SMCO4: variants seen among roughly 807,000 people sequenced by gnomAD.
SMCO4 encodes single-pass membrane and coiled-coil domain-containing protein 4.
In SMCO4, 4 loss-of-function variants were observed where a neutral mutation model predicts 3.6. The observed-to-expected ratio is 1.11, with a 90% CI of 0.54 to 2.53. The LOEUF is 2.53. SMCO4 is among the 30% of genes most tolerant of loss of function. The pLI, the probability that SMCO4 is intolerant of heterozygous loss-of-function variation, is 0.02. For synonymous variants in SMCO4, 36 were observed against 35.3 expected (o/e 1.02, Z -0.07); for missense variants, 70 against 80.8 (o/e 0.87, Z 0.51).
At chr11:93,508,305 C>A (rs76039045) in intron 1 of SMCO4, among the ~76,000 whole-genome samples, 2 of 151,904 alleles carry the variant, frequency 1.3e-5, no homozygotes, top group South Asian at 4.1e-4. Context: ...GTGCTGAGTA[C>A]GAAAATGGTA....
chr11:93,498,003 A>G (rs1948794723), intron 2 of SMCO4, among the ~76,000 whole-genome samples: 2 of 152,230 alleles, frequency 1.3e-5, no homozygotes, highest in Admixed American at 1.3e-4. Context: ...TGAAAAGTCA[A>G]GTATACTAGA....
At position 93,523,064 on chromosome 11, in the gene SMCO4, T is replaced by C. The variant is rs148431143; in HGVS notation, c.-154+20212A>G. Reference sequence around the variant, plus strand: ...TCCTCTGGAATTTCCCCTATACTTGTCTAGGCTCAAACATAAAAACTAATG... The same window carrying C: ...TCCTCTGGAATTTCCCCTATACTTGCCTAGGCTCAAACATAAAAACTAATG... On this transcript the variant is annotated intron_variant, in intron 1 of 2. Transcript: ENST00000298966. Among the ~76,000 whole-genome samples the C allele has an allele frequency of 2.2e-3, 333 of 152,250 alleles. 2 individuals carry two copies. The highest frequency in any genetic ancestry group is 4.4e-3 in the South Asian group (21 of 4,824).
Position 93,478,809 on chromosome 11 carries a change from C to T in SMCO4, c.*201G>A. ...ATGAAGTGGACCATAAGGTGTATGG[C>T]ACATTCACTGATAAAACATCCCCTA... On this transcript the variant is annotated 3_prime_UTR_variant, in exon 3 of 3. Transcript: ENST00000298966. 7.1e-7 allele frequency: 1 copy of T among 1,402,150 alleles called. No individual in the cohort carries two copies. Among genetic ancestry groups the T allele is most frequent in the Non-Finnish European group, 9.3e-7 (1 of 1,078,358 alleles). 86.9% of individuals were successfully genotyped at this position (1,402,150 alleles called of 1,614,324 possible).
intron 2 of SMCO4, among the ~76,000 whole-genome samples, chr11:93,492,706 T>G (rs1355631545): frequency 6.6e-6 from 1 of 152,146 alleles, no homozygotes; most frequent in Non-Finnish European, 1.5e-5. Flanking sequence ...AGGAGCAGCC[T>G]GAAGGTTTTA....
intron 2 of SMCO4, among the ~76,000 whole-genome samples, chr11:93,486,077 C>T (rs1948646394): frequency 6.6e-6 from 1 of 152,204 alleles, no homozygotes; most frequent in Non-Finnish European, 1.5e-5. Context: ...CTCTCAACCA[C>T]CCTACAAATA....
intron 1 of SMCO4, among the ~76,000 whole-genome samples, chr11:93,523,676 C>T (rs1949080698): frequency 6.6e-6 from 1 of 152,164 alleles, no homozygotes; most frequent in Admixed American, 6.5e-5. Flanking sequence ...ACCAGAAAAC[C>T]TCAAATTTAG....
intron 1 of SMCO4, among the ~76,000 whole-genome samples, chr11:93,534,375 T>G (rs10831056): frequency 0.67 from 94,510 of 142,000 alleles, 31,729 homozygotes; most frequent in Middle Eastern, 0.73. Flanking sequence ...TATATATATA[T>G]AGAGAGAGAG....
the SMCO4 span, among the ~76,000 whole-genome samples, chr11:93,549,581 T>A: frequency 6.6e-6 from 1 of 151,922 alleles, no homozygotes; most frequent in Non-Finnish European, 1.5e-5. Flanking sequence ...CCCCAGTAGC[T>A]TGGACCACAG....
At chr11:93,553,626 G>T in the SMCO4 span, among the ~76,000 whole-genome samples, 1 of 152,188 alleles carries the variant, frequency 6.6e-6, no homozygotes, top group Non-Finnish European at 1.5e-5. Flanking sequence ...ACCCAAGCTA[G>T]ATCTTGTTAT....
chr11:93,539,959 A>T lies in SMCO4; in HGVS notation c.-154+3317T>A, dbSNP rs2456573. On this transcript the variant is annotated intron_variant, in intron 1 of 2. Coordinates refer to ENST00000298966, the MANE Select transcript of SMCO4 (RefSeq NM_020179.3). ...TTTCCCTGTCCAACAAAATTAATTT[A>T]AAAAAAAAAAAAAGGAGGAAGGCCA... is the stretch of plus-strand genomic sequence containing the variant. Among the ~76,000 whole-genome samples, 9 of 129,062 alleles carry T rather than the reference A, an allele frequency of 7.0e-5. No individual in the cohort carries two copies. The East Asian group carries it at 8.1e-4, about 12-fold the overall frequency. The allele number at this position is 129,062 out of a possible 152,430, so 84.7% of individuals were successfully genotyped here.
At chr11:93,501,533 C>T (rs1948838134) in intron 1 of SMCO4, among the ~76,000 whole-genome samples, 1 of 152,096 alleles carries the variant, frequency 6.6e-6, no homozygotes, top group African/African-American at 2.4e-5. Context: ...TTGACATATG[C>T]CCTCTCCTCT....
At chr11:93,533,440 A>G (rs914883417) in intron 1 of SMCO4, among the ~76,000 whole-genome samples, 3 of 152,222 alleles carry the variant, frequency 2.0e-5, no homozygotes, top group Non-Finnish European at 4.4e-5. Context: ...ATGGCAGTGC[A>G]GGGAAGAAGG....
intron 2 of SMCO4, among the ~76,000 whole-genome samples, chr11:93,487,884 A>AGATTGAAT (rs1446690376): frequency 2.7e-3 from 410 of 152,394 alleles, no homozygotes; most frequent in African/African-American, 9.5e-3. Context: ...ATGTTGTCAA[A>AGATTGAAT]CAAAGATAAA....
chr11:93,550,480 T>C, the SMCO4 span, among the ~76,000 whole-genome samples: 1 of 151,912 alleles, frequency 6.6e-6, no homozygotes, highest in African/African-American at 2.4e-5. Flanking sequence ...GGCAACATGG[T>C]GAAACCGCAT....
At chr11:93,483,344 T>G (rs1389754281) in intron 2 of SMCO4, among the ~76,000 whole-genome samples, 4 of 152,114 alleles carry the variant, frequency 2.6e-5, no homozygotes, top group Admixed American at 1.3e-4. Context: ...CCGGGCGGCC[T>G]CCTGGGCCAG....
chr11:93,518,919 G>A (rs1046281978), intron 1 of SMCO4, among the ~76,000 whole-genome samples: 4 of 152,174 alleles, frequency 2.6e-5, no homozygotes, highest in African/African-American at 9.7e-5. Flanking sequence ...TTCCCGCCCT[G>A]GTTCTCATTT....
the SMCO4 span, among the ~76,000 whole-genome samples, chr11:93,552,541 G>A: frequency 3.3e-5 from 5 of 150,564 alleles, no homozygotes; most frequent in South Asian, 2.1e-4. Flanking sequence ...GCGTGATCTC[G>A]GCTCACTGCA....
chr11:93,479,562 A>G (rs1430611441), intron 2 of SMCO4, among the ~76,000 whole-genome samples: 1 of 152,138 alleles, frequency 6.6e-6, no homozygotes, highest in Non-Finnish European at 1.5e-5. Flanking sequence ...AAGGATTGGG[A>G]AGCACCAACT....
intron 1 of SMCO4, among the ~76,000 whole-genome samples, chr11:93,534,372 A>G (rs1039095095): frequency 5.0e-5 from 4 of 79,366 alleles, no homozygotes; most frequent in Non-Finnish European, 1.3e-4. Flanking sequence ...ATATATATAT[A>G]TATAGAGAGA....
Sources: gnomAD v4.1 joint callset for allele counts (sites outside exome capture counted in the v4.1 genomes callset) on GRCh38, gnomAD v4.1.1 for gene constraint, MANE v1.5 for transcripts, NCBI Gene and HGNC (gene_info 2026-07-23, HGNC 2026-07-21) for gene names.